DPYSL2: variants seen among roughly 807,000 people sequenced by gnomAD.
The protein encoded by DPYSL2 is dihydropyrimidinase like 2.
Under a neutral mutation model 69.9 loss-of-function variants are expected in DPYSL2, and 13 were observed. The ratio of observed to expected loss-of-function variants is 0.19; its 90% CI spans 0.12 to 0.30. DPYSL2 has a LOEUF of 0.30. DPYSL2 is among the 10% of genes least tolerant of loss of function. DPYSL2 has a pLI of 1.00. For missense variants in DPYSL2, 587 were observed against 918.9 expected (o/e 0.64, Z 4.67); for synonymous variants, 326 against 359.1 (o/e 0.91, Z 1.04).
In DPYSL2 at chr8:26,621,958, C is replaced by G. The variant is rs149338755; in HGVS notation, c.629-2185C>G. ...GTTTGATGAAAGGTTTAAGATCCTT[C>G]TAGCTGCTTCTGAAGGGTGATTTGT... On this transcript the variant is annotated intron_variant, in intron 3 of 13. Coordinates refer to ENST00000521913, the MANE Select transcript of DPYSL2 (RefSeq NM_001197293.3). This position sits in a 1 kb window ranked among gnomAD's most constrained non-coding sequence, Gnocchi z 4.9. Among the ~76,000 whole-genome samples, 10 of 152,320 alleles carry G rather than the reference C, an allele frequency of 6.6e-5. No individual in the cohort carries two copies. Among genetic ancestry groups the G allele is most frequent in the Non-Finnish European group, 1.2e-4 (8 of 68,030 alleles).
At position 26,516,342 on chromosome 8, in the gene DPYSL2, G is replaced by C. The variant is rs529709696; in HGVS notation, c.354+1663G>C. Among the ~76,000 whole-genome samples the C allele has an allele frequency of 6.6e-6, 1 of 152,324 alleles. No individual in the cohort carries two copies. The highest frequency in any genetic ancestry group is 2.4e-5 in the African/African-American group (1 of 41,570). ...TTCCCTGTGTGAGTACATTGAGTGA[G>C]GGCCAAAATCATATAGCATCTTGGT... On this transcript the variant is annotated intron_variant, in intron 1 of 13. Transcript: ENST00000521913. This position sits in a 1 kb window ranked among gnomAD's most constrained non-coding sequence, Gnocchi z 4.8.
At chr8:26,555,756 G>T (rs181376815) in intron 1 of DPYSL2, among the ~76,000 whole-genome samples, 1 of 150,538 alleles carries the variant, frequency 6.6e-6, no homozygotes, top group Admixed American at 6.7e-5. Context: ...GTTGGGGGGC[G>T]TGCACCTGTA....
Position 26,653,454 on chromosome 8 carries a change from C to T in DPYSL2, c.1942+57C>T, listed in dbSNP as rs192937146. Reference sequence around the variant, plus strand: ...TGCAGGGCCAGCTCGCTGGTGCTGGCGAGGCTACAGTTGCATTTGGAAAGG... The same window carrying T: ...TGCAGGGCCAGCTCGCTGGTGCTGGTGAGGCTACAGTTGCATTTGGAAAGG... On this transcript the variant is annotated intron_variant, in intron 13 of 13. Transcript: ENST00000521913. The surrounding 1 kb of genome is among the most constrained non-coding windows in gnomAD (Gnocchi z 5.7). 7.0e-5 allele frequency: 107 copies of T among 1,537,122 alleles called. 1 individual carries two copies. The African/African-American group carries it at 9.5e-4, about 14-fold the overall frequency.
At chr8:26,540,475 AT>A (rs1800660866) in intron 1 of DPYSL2, among the ~76,000 whole-genome samples, 1 of 152,236 alleles carries the variant, frequency 6.6e-6, no homozygotes, top group African/African-American at 2.4e-5. Context: ...CTTTCCACAG[AT>A]TGTTGGAGGG....
rs983990709 is a variant in DPYSL2, at chr8:26,588,439, C to G, written c.628+4456C>G. Reference sequence around the variant, plus strand: ...GGGAGCTTTTTGAAAGCATGACTTTCAGGGGTGCATGCCGGATCTGCACAC... The same window carrying G: ...GGGAGCTTTTTGAAAGCATGACTTTGAGGGGTGCATGCCGGATCTGCACAC... On this transcript the variant is annotated intron_variant, in intron 3 of 13. Transcript: ENST00000521913. This position sits in a 1 kb window ranked among gnomAD's most constrained non-coding sequence, Gnocchi z 5.4. Among the ~76,000 whole-genome samples the G allele has an allele frequency of 1.3e-5, 2 of 152,118 alleles. No homozygotes were observed. The highest frequency in any genetic ancestry group is 2.9e-5 in the Non-Finnish European group (2 of 68,026).
intron 13 of DPYSL2, 112 bp from the exon 14 acceptor site, chr8:26,655,503 A>G: frequency 2.0e-6 from 2 of 977,742 alleles, no homozygotes; most frequent in East Asian, 5.2e-5. Context: ...CTCCAAAAAA[A>G]AAGAATGCGA....
intron 1 of DPYSL2, among the ~76,000 whole-genome samples, chr8:26,523,443 C>G (rs1236310550): frequency 6.6e-6 from 1 of 152,076 alleles, no homozygotes; most frequent in Non-Finnish European, 1.5e-5. Flanking sequence ...AAAACTGAAA[C>G]TTTGTACCCA....
intron 1 of DPYSL2, chr8:26,577,112 G>A (rs1186625405): frequency 2.5e-5 from 11 of 441,938 alleles, no homozygotes; most frequent in Admixed American, 2.4e-4. Context: ...GCCTTCCCCG[G>A]ATGCCTCCTT....
At chr8:26,572,549 G>T (rs13251114) in intron 1 of DPYSL2, among the ~76,000 whole-genome samples, 1 of 152,082 alleles carries the variant, frequency 6.6e-6, no homozygotes, top group African/African-American at 2.4e-5. Context: ...ACCCAAGCTG[G>T]AGTGCAGTGA....
At chr8:26,538,096 T>G (rs1800625022) in intron 1 of DPYSL2, among the ~76,000 whole-genome samples, 1 of 152,184 alleles carries the variant, frequency 6.6e-6, no homozygotes, top group South Asian at 2.1e-4. Flanking sequence ...GTGCAGGATG[T>G]CAATTTATCC....
intron 3 of DPYSL2, among the ~76,000 whole-genome samples, chr8:26,596,848 C>T (rs1801872815): frequency 1.3e-5 from 2 of 152,202 alleles, no homozygotes; most frequent in Non-Finnish European, 2.9e-5. Flanking sequence ...AGTTAGACAG[C>T]CTGCTCATGA....
intron 7 of DPYSL2, among the ~76,000 whole-genome samples, chr8:26,633,470 GTATT>G (rs1055958372): frequency 3.3e-5 from 5 of 152,224 alleles, no homozygotes; most frequent in Admixed American, 1.3e-4. Flanking sequence ...AACATCCGAT[GTATT>G]TATTTATTTA....
Position 26,647,855 on chromosome 8 carries a change from A to G in DPYSL2, c.1596+55A>G. On this transcript the variant is annotated intron_variant, in intron 11 of 13. Coordinates refer to ENST00000521913, the MANE Select transcript of DPYSL2 (RefSeq NM_001197293.3). This position sits in a 1 kb window ranked among gnomAD's most constrained non-coding sequence, Gnocchi z 5.1. The stretch of plus-strand genomic sequence containing the variant: ...CCAAACGAATTACAGTCACAGAGAC[A>G]CAGACGGAGGGAGAGCCCCAGGGTT... The G allele has an allele frequency of 6.5e-7, 1 of 1,544,304 alleles. No homozygotes were observed. The highest frequency in any genetic ancestry group is 8.7e-7 in the Non-Finnish European group (1 of 1,143,940).
chr8:26,557,708 G>C (rs1585508017), intron 1 of DPYSL2, among the ~76,000 whole-genome samples: 1 of 147,782 alleles, frequency 6.8e-6, no homozygotes, highest in Admixed American at 6.8e-5. Context: ...TGAATCATTT[G>C]AACCTGGAAA....
chr8:26,562,207 G>C lies in DPYSL2; in HGVS notation c.355-19762G>C, dbSNP rs918227555. The stretch of plus-strand genomic sequence containing the variant: ...TGATTCCTGGCTCTGCCACGTGTGA[G>C]TTTTGGGTCCTGGGGAAAGTTCCTT... On this transcript the variant is annotated intron_variant, in intron 1 of 13. Transcript: ENST00000521913. The surrounding 1 kb of genome is among the most constrained non-coding windows in gnomAD (Gnocchi z 4.9). 6.6e-6 allele frequency among the ~76,000 whole-genome samples: 1 copy of C among 152,202 alleles called. No homozygotes were observed. Among genetic ancestry groups the C allele is most frequent in the Non-Finnish European group, 1.5e-5 (1 of 68,036 alleles).
intron 3 of DPYSL2, among the ~76,000 whole-genome samples, chr8:26,603,193 G>C (rs1408705072): frequency 6.6e-6 from 1 of 151,622 alleles, no homozygotes; most frequent in Non-Finnish European, 1.5e-5. Context: ...TTTTTTTTGA[G>C]ACAGGGTCTC....
At chr8:26,527,562 T>C (rs2117607092) in intron 1 of DPYSL2, among the ~76,000 whole-genome samples, 1 of 152,278 alleles carries the variant, frequency 6.6e-6, no homozygotes, top group East Asian at 1.9e-4. Context: ...AATTCTTATT[T>C]TCTGGTGCAG....
intron 1 of DPYSL2, chr8:26,577,332 C>G (rs1446951955): frequency 8.5e-6 from 2 of 234,082 alleles, no homozygotes; most frequent in African/African-American, 4.8e-5. Flanking sequence ...CGCCCGCCGC[C>G]GTTCCAGTCC....
chr8:26,551,081 A>G (rs1474968020), intron 1 of DPYSL2, among the ~76,000 whole-genome samples: 2 of 152,208 alleles, frequency 1.3e-5, no homozygotes, highest in Admixed American at 1.3e-4. Context: ...ATACACCTTC[A>G]TAGACATACC....
Sources: gnomAD v4.1 joint callset for allele counts (sites outside exome capture counted in the v4.1 genomes callset) on GRCh38, gnomAD v4.1.1 for gene constraint, Gnocchi (gnomAD v3.1) non-coding constraint, MANE v1.5 for transcripts, NCBI Gene and HGNC (gene_info 2026-07-23, HGNC 2026-07-21) for gene names.